Variants in ARID1B observed in about 807,000 individuals in gnomAD.
The protein encoded by ARID1B is AT-rich interaction domain 1B.
In ARID1B, 30 loss-of-function variants were observed where a neutral mutation model predicts 212.3. The ratio of observed to expected loss-of-function variants is 0.14; its 90% CI spans 0.11 to 0.19. The LOEUF is 0.19. ARID1B is among the 10% of genes least tolerant of loss of function. ARID1B has a pLI of 1.00. For synonymous variants in ARID1B, 1,402 were observed against 1,301.7 expected (o/e 1.08, Z -1.66); for missense variants, 2,891 against 3,204.0 (o/e 0.90, Z 2.36).
rs1438498633 is a variant in ARID1B at position 156,848,179 on chromosome 6, T to A, written c.1986+18758T>A. ...TTATGAACCCAGAAAATGAAGTTAG[T>A]CATTGTAGCATAATCCTTAGCTCCT... is the stretch of plus-strand genomic sequence containing the variant. On this transcript the variant is annotated intron_variant, in intron 2 of 19. Coordinates refer to ENST00000636930, the MANE Select transcript of ARID1B (RefSeq NM_001374828.1). Among the ~76,000 whole-genome samples, 3 of 152,220 alleles carry A rather than the reference T, an allele frequency of 2.0e-5. No individual in the cohort carries two copies. The South Asian group carries it at 6.2e-4, about 31-fold the overall frequency.
intron 4 of ARID1B, among the ~76,000 whole-genome samples, chr6:157,006,733 T>C (rs184530786): frequency 6.6e-6 from 1 of 152,246 alleles, no homozygotes; most frequent in Non-Finnish European, 1.5e-5. Flanking sequence ...TGCACTGTTA[T>C]CATTTTTTGT....
At chr6:157,066,306 A>G (rs994379756) in intron 4 of ARID1B, among the ~76,000 whole-genome samples, 1 of 152,224 alleles carries the variant, frequency 6.6e-6, no homozygotes, top group Non-Finnish European at 1.5e-5. Flanking sequence ...CCCTTTAAAA[A>G]TTACAGAAAG....
At chr6:157,068,112 G>C (rs548510381) in intron 4 of ARID1B, among the ~76,000 whole-genome samples, 1 of 152,282 alleles carries the variant, frequency 6.6e-6, no homozygotes, top group Admixed American at 6.5e-5. Context: ...TTCACAATTT[G>C]GTTCTCTTAT....
intron 3 of ARID1B, among the ~76,000 whole-genome samples, chr6:156,909,980 T>G (rs1789734906): frequency 6.6e-6 from 1 of 152,202 alleles, no homozygotes; most frequent in South Asian, 2.1e-4. Flanking sequence ...CTCTCCAAAT[T>G]GCTCACTAAC....
In ARID1B at chr6:157,203,606, T is replaced by C. The variant is rs1794254546; in HGVS notation, c.5264-260T>C. 2 of 453,434 alleles carry C rather than the reference T, an allele frequency of 4.4e-6. No homozygotes were observed. Among genetic ancestry groups the C allele is most frequent in the Non-Finnish European group, 4.1e-6 (1 of 245,610 alleles). The allele number at this position is 453,434 out of a possible 1,614,324, so 28.1% of individuals were successfully genotyped here. On this transcript the variant is annotated intron_variant, in intron 18 of 19. Coordinates refer to ENST00000636930, the MANE Select transcript of ARID1B (RefSeq NM_001374828.1). This position sits in a 1 kb window ranked among gnomAD's most constrained non-coding sequence, Gnocchi z 4.4. Reference sequence around the variant, plus strand: ...GGCCATGAGAAAGGACCATCTGTGCTCAACCACTCCACCTCCAGAAGCACT... The same window carrying C: ...GGCCATGAGAAAGGACCATCTGTGCCCAACCACTCCACCTCCAGAAGCACT...
intron 1 of ARID1B, among the ~76,000 whole-genome samples, chr6:156,817,799 C>T (rs988263044): frequency 6.6e-6 from 1 of 152,160 alleles, no homozygotes; most frequent in Non-Finnish European, 1.5e-5. Flanking sequence ...ATCTATCCAT[C>T]TGTTCATCCA....
intron 3 of ARID1B, among the ~76,000 whole-genome samples, chr6:156,934,931 TA>T (rs2128272139): frequency 1.3e-5 from 1 of 75,002 alleles, no homozygotes; most frequent in South Asian, 3.5e-4. Context: ...TATATATATA[TA>T]TATATATATA....
intron 4 of ARID1B, among the ~76,000 whole-genome samples, chr6:157,075,145 C>T (rs535403797): frequency 1.9e-4 from 8 of 41,078 alleles, no homozygotes; most frequent in East Asian, 9.3e-4. Flanking sequence ...ACCAGCTGCC[C>T]CTGTACAAAA....
At chr6:157,186,186 G>T in intron 13 of ARID1B, 1 of 283,900 alleles carries the variant, frequency 3.5e-6, no homozygotes, top group Non-Finnish European at 7.0e-6. Flanking sequence ...CAGGACGGGG[G>T]CCCTGCTGAG....
chr6:156,822,713 G>A (rs1244760610), intron 1 of ARID1B, among the ~76,000 whole-genome samples: 1 of 152,180 alleles, frequency 6.6e-6, no homozygotes, highest in Non-Finnish European at 1.5e-5. Context: ...GTCTTCTGCA[G>A]GTGTGTACAG....
At chr6:156,909,584 A>G (rs1789703728) in intron 3 of ARID1B, among the ~76,000 whole-genome samples, 1 of 152,188 alleles carries the variant, frequency 6.6e-6, no homozygotes, top group Non-Finnish European at 1.5e-5. Context: ...AAGATTTATT[A>G]CATTGATTTG....
chr6:157,084,544 G>T (rs745309884), intron 4 of ARID1B, 118 bp from the exon 5 acceptor site: 618 of 1,301,868 alleles, frequency 4.7e-4, no homozygotes, highest in Non-Finnish European at 6.1e-4. Context: ...TTTTATTTTG[G>T]GTGTTACCCA....
chr6:157,170,721 G>T (rs578083716), intron 9 of ARID1B, among the ~76,000 whole-genome samples: 1 of 152,150 alleles, frequency 6.6e-6, no homozygotes, highest in South Asian at 2.1e-4. Context: ...CAATGATGGG[G>T]TATGCAGGGC....
At chr6:157,030,964 C>T (rs1328502945) in intron 4 of ARID1B, among the ~76,000 whole-genome samples, 1 of 152,112 alleles carries the variant, frequency 6.6e-6, no homozygotes, top group Non-Finnish European at 1.5e-5. Flanking sequence ...TTTCAGCAAG[C>T]CATGTCCTTC....
chr6:156,776,165 C>T (rs1447450970), upstream of ARID1B, among the ~76,000 whole-genome samples: 1 of 152,188 alleles, frequency 6.6e-6, no homozygotes, highest in African/African-American at 2.4e-5. Flanking sequence ...TGCTTTCTCT[C>T]AATGAAAACT....
chr6:157,151,653 A>G (rs555794686), intron 8 of ARID1B: 46 of 152,356 alleles, frequency 3.0e-4, no homozygotes, highest in African/African-American at 1.1e-3. Context: ...AAATGCTCTT[A>G]AAGTCTATTA....
intron 3 of ARID1B, among the ~76,000 whole-genome samples, chr6:156,911,568 A>G (rs1789898366): frequency 6.6e-6 from 1 of 152,074 alleles, no homozygotes; most frequent in Non-Finnish European, 1.5e-5. Context: ...ATATGTCCTT[A>G]ATTTTCCTGA....
chr6:157,208,382 G>A lies in ARID1B; in HGVS notation c.*491G>A, dbSNP rs1794616781. The A allele has an allele frequency of 4.3e-6, 1 of 233,574 alleles. No homozygotes were observed. The highest frequency in any genetic ancestry group is 8.5e-6 in the Non-Finnish European group (1 of 118,000). The allele number at this position is 233,574 out of a possible 1,614,324, so 14.5% of individuals were successfully genotyped here. On this transcript the variant is annotated 3_prime_UTR_variant, in exon 20 of 20. Coordinates refer to ENST00000636930, the MANE Select transcript of ARID1B (RefSeq NM_001374828.1). ...TGCATCCCATCACCCAAAGTTCTGT[G>A]CAATAGAAATTTCTACAGATACAGG...
At position 156,829,320 on chromosome 6, in the gene ARID1B, C is replaced by T. The variant is rs2128046419; in HGVS notation, c.1885C>T (p.Pro629Ser). The change falls in exon 2 of 20, where the codon CCA (proline) becomes TCA (serine). Residue 629 changes from proline (P) to serine (S), a missense_variant. By Grantham distance (74) the Pro-to-Ser change is moderately conservative (BLOSUM62 -1). Transcript: ENST00000636930. Reference sequence around the variant, plus strand: ...TCAGCCTCAGCAGAGCAGTCCGTACCCAGGAGGTTCCTATGGCCCTCCAGG... The same window carrying T: ...TCAGCCTCAGCAGAGCAGTCCGTACTCAGGAGGTTCCTATGGCCCTCCAGG... Reference protein sequence around the residue: ...HSQPQQSSPYPGGSYGPPGPQ... With the variant: ...HSQPQQSSPYSGGSYGPPGPQ... 3 of 1,614,204 alleles carry T rather than the reference C, an allele frequency of 1.9e-6. No individual in the cohort carries two copies. The highest frequency in any genetic ancestry group is 1.7e-5 in the Admixed American group (1 of 60,026).
Sources: gnomAD v4.1 joint callset for allele counts (sites outside exome capture counted in the v4.1 genomes callset) on GRCh38, gnomAD v4.1.1 for gene constraint, Gnocchi (gnomAD v3.1) non-coding constraint, MANE v1.5 for transcripts, NCBI Gene and HGNC (gene_info 2026-07-23, HGNC 2026-07-21) for gene names.